The following RPS6KC1 variants were observed in gnomAD, a reference collection of about 807,000 sequenced individuals.
RPS6KC1 encodes the protein inactive ribosomal protein S6 kinase delta-1.
In RPS6KC1, 54 loss-of-function variants were observed where a neutral mutation model predicts 103.8. That is an observed-to-expected ratio of 0.52 (90% confidence interval 0.42 to 0.65). The LOEUF (loss-of-function observed/expected upper bound fraction) is 0.65. RPS6KC1 is among the 30% of genes least tolerant of loss of function. The pLI, the probability that RPS6KC1 is intolerant of heterozygous loss-of-function variation, is 0.00. For synonymous variants in RPS6KC1, 439 were observed against 438.7 expected, an observed-to-expected ratio of 1.00 and a Z score of -0.01; for missense variants, 1,151 against 1,253.8, an observed-to-expected ratio of 0.92 and a Z score of 1.24.
At chr1:213,674,226 C>T in the RPS6KC1 span, among the ~76,000 whole-genome samples, 1 of 152,140 alleles carries the variant, frequency 6.6e-6, no homozygotes, top group Non-Finnish European at 1.5e-5. Context: ...GCCATGTTGG[C>T]CAGACTGGTC....
chr1:213,602,120 CTCTTTCTTTCTTTCTTTCTTTCTTTCTT>C, the RPS6KC1 span, among the ~76,000 whole-genome samples: 3 of 5,152 alleles, frequency 5.8e-4, no homozygotes, highest in Non-Finnish European at 1.1e-3. Context: ...TTCTTTCTTT[CTCTTTCTTTCTTTCTTTCTTTCTTTCTT>C]TCTTTCTTTC....
chr1:213,345,570 G>T, the RPS6KC1 span, among the ~76,000 whole-genome samples: 1 of 152,214 alleles, frequency 6.6e-6, no homozygotes, highest in East Asian at 1.9e-4. Flanking sequence ...AATGAAGTTT[G>T]TTAGAAGCTA....
At chr1:213,503,202 C>T in the RPS6KC1 span, among the ~76,000 whole-genome samples, 2 of 152,100 alleles carry the variant, frequency 1.3e-5, no homozygotes, top group Admixed American at 1.3e-4. Context: ...CTTAACTCTA[C>T]CTCTTGGCCT....
chr1:213,481,648 A>T, the RPS6KC1 span, among the ~76,000 whole-genome samples: 2 of 152,046 alleles, frequency 1.3e-5, no homozygotes, highest in Non-Finnish European at 2.9e-5. Flanking sequence ...TTTTTTTGAA[A>T]CATGTTATTT....
chr1:213,282,993 A>G, the RPS6KC1 span, among the ~76,000 whole-genome samples: 1 of 152,230 alleles, frequency 6.6e-6, no homozygotes, highest in African/African-American at 2.4e-5. Flanking sequence ...TGGCCAGCTA[A>G]TAAGATCTGT....
chr1:213,638,500 A>G, the RPS6KC1 span, among the ~76,000 whole-genome samples: 4 of 152,106 alleles, frequency 2.6e-5, no homozygotes, highest in South Asian at 2.1e-4. Flanking sequence ...ATTTAAATCT[A>G]TGATTCACTT....
chr1:213,391,735 G>A, the RPS6KC1 span, among the ~76,000 whole-genome samples: 2 of 152,186 alleles, frequency 1.3e-5, no homozygotes, highest in Admixed American at 1.3e-4. Flanking sequence ...TTAAATGACA[G>A]AATATATCAC....
At chr1:213,448,601 C>A in the RPS6KC1 span, among the ~76,000 whole-genome samples, 1 of 151,900 alleles carries the variant, frequency 6.6e-6, no homozygotes, top group Non-Finnish European at 1.5e-5. Context: ...CCTGTGCCAC[C>A]CGACATCCAC....
chr1:213,339,500 G>T, the RPS6KC1 span, among the ~76,000 whole-genome samples: 853 of 152,244 alleles, frequency 5.6e-3, 6 homozygotes, highest in African/African-American at 0.019. Context: ...ACTGGGTTTT[G>T]GGTGGTTTTC....
At chr1:213,320,537 C>A in the RPS6KC1 span, among the ~76,000 whole-genome samples, 3 of 152,188 alleles carry the variant, frequency 2.0e-5, no homozygotes, top group Non-Finnish European at 2.9e-5. Context: ...CTGCCCTGTG[C>A]AAATCTATTT....
the RPS6KC1 span, among the ~76,000 whole-genome samples, chr1:213,408,189 T>C: frequency 6.6e-6 from 1 of 152,166 alleles, no homozygotes; most frequent in African/African-American, 2.4e-5. Flanking sequence ...ACTTGGCTAG[T>C]GGAAAGCTCA....
chr1:213,731,542 C>T, the RPS6KC1 span: 19 of 152,234 alleles, frequency 1.2e-4, no homozygotes, highest in African/African-American at 4.6e-4. Flanking sequence ...GAAGATGAAC[C>T]CCTTCTTCAT....
the RPS6KC1 span, among the ~76,000 whole-genome samples, chr1:213,506,805 T>C: frequency 6.6e-6 from 1 of 152,186 alleles, no homozygotes; most frequent in Admixed American, 6.5e-5. Flanking sequence ...CTTAGATCAG[T>C]CCCTTATATT....
At chr1:213,239,548 T>C (rs2094303919) in intron 10 of RPS6KC1, among the ~76,000 whole-genome samples, 2 of 152,138 alleles carry the variant, frequency 1.3e-5, no homozygotes, top group African/African-American at 4.8e-5. Context: ...GATGTTTCCG[T>C]TGACTTTTTT....
downstream of RPS6KC1, among the ~76,000 whole-genome samples, chr1:213,276,076 T>G (rs952787689): frequency 6.6e-6 from 1 of 152,312 alleles, no homozygotes; most frequent in East Asian, 1.9e-4. Context: ...AAATGGTGCA[T>G]GTACTGAAGA....
chr1:213,728,580 G>A, the RPS6KC1 span, among the ~76,000 whole-genome samples: 381 of 152,250 alleles, frequency 2.5e-3, 2 homozygotes, highest in Non-Finnish European at 4.1e-3. Context: ...AGTACCCACT[G>A]CCCGGTACTC....
chr1:213,775,747 C>T, the RPS6KC1 span, among the ~76,000 whole-genome samples: 2 of 152,172 alleles, frequency 1.3e-5, no homozygotes, highest in East Asian at 1.9e-4. Context: ...TTGAATGACT[C>T]TTCCTTTCAT....
intron 8 of RPS6KC1, among the ~76,000 whole-genome samples, chr1:213,205,567 T>TATATATATATATA (rs57191154): frequency 1.7e-4 from 23 of 138,642 alleles, no homozygotes; most frequent in African/African-American, 3.4e-4. Context: ...TATATATATA[T>TATATATATATATA]TTCAAAAGAA....
chr1:213,659,438 C>G, the RPS6KC1 span, among the ~76,000 whole-genome samples: 691 of 152,260 alleles, frequency 4.5e-3, 2 homozygotes, highest in African/African-American at 0.014. Context: ...ATTCAAGAAA[C>G]CAATGATTGA....
Sources: gnomAD v4.1 joint callset for allele counts (sites outside exome capture counted in the v4.1 genomes callset) on GRCh38, gnomAD v4.1.1 for gene constraint, MANE v1.5 for transcripts, NCBI Gene and HGNC (gene_info 2026-07-23, HGNC 2026-07-21) for gene names.